The following MAST3 variants were observed in gnomAD, a reference collection of about 807,000 sequenced individuals.
The protein encoded by MAST3 is microtubule associated serine/threonine kinase 3.
MAST3 carries 43 observed loss-of-function variants against 127.0 expected under a neutral mutation model. That is an observed-to-expected ratio of 0.34 (90% confidence interval 0.27 to 0.44). The LOEUF (loss-of-function observed/expected upper bound fraction) is 0.44, where lower values mean the gene tolerates loss of function less well. Among genes scored for constraint, MAST3 ranks in the 20% least tolerant of loss-of-function variants. The probability of loss-of-function intolerance (pLI) is 1.00; values close to 1 mark genes in which losing one functional copy is unlikely to be tolerated. For missense variants in MAST3, 1,390 were observed against 1,919.1 expected, an observed-to-expected ratio of 0.72 and a Z score of 5.15; for synonymous variants, 785 against 809.2, an observed-to-expected ratio of 0.97 and a Z score of 0.51.
At chr19:18,142,603 A>G (rs940802008) in intron 21 of MAST3, among the ~76,000 whole-genome samples, 12 of 145,424 alleles carry the variant, frequency 8.3e-5, no homozygotes, top group African/African-American at 2.8e-4. Context: ...GCCCTCCTCA[A>G]CCTCCCAAAG....
intron 5 of MAST3, 59 bp downstream of exon 5, chr19:18,121,981 G>A: frequency 6.3e-7 from 1 of 1,594,200 alleles, no homozygotes; most frequent in South Asian, 1.1e-5. Flanking sequence ...GTTGGGCAGG[G>A]GCACGTGCTC....
chr19:18,129,259 T>C, intron 13 of MAST3: 1 of 353,942 alleles, frequency 2.8e-6, no homozygotes, highest in Non-Finnish European at 5.2e-6. Flanking sequence ...GAGCTTTATT[T>C]AGGTGCTGCT....
chr19:18,139,454 A>G (rs2147629551), intron 20 of MAST3, among the ~76,000 whole-genome samples: 1 of 152,054 alleles, frequency 6.6e-6, no homozygotes, highest in East Asian at 1.9e-4. Flanking sequence ...CCTGCCGAGT[A>G]GCTGGGATTA....
At chr19:18,098,668 G>C (rs970686420) in intron 1 of MAST3, 14 of 455,092 alleles carry the variant, frequency 3.1e-5, no homozygotes, top group South Asian at 2.2e-4. Flanking sequence ...CAGGAATTAA[G>C]ATTTGGCCAT....
intron 19 of MAST3, 78 bp from the exon 20 acceptor site, chr19:18,138,936 GC>G (rs2147613325): frequency 1.1e-6 from 1 of 948,940 alleles, no homozygotes; most frequent in East Asian, 2.6e-5. Flanking sequence ...ATCCTGAGAT[GC>G]CCTCCCCGTA....
chr19:18,132,879 G>A (rs1280544829), intron 15 of MAST3, among the ~76,000 whole-genome samples: 3 of 152,198 alleles, frequency 2.0e-5, no homozygotes, highest in Non-Finnish European at 2.9e-5. Flanking sequence ...AAGGCGGGCG[G>A]ATCACCTGAG....
chr19:18,149,618 C>T lies in MAST3; in HGVS notation c.3936C>T (p.Phe1312=). The T allele has an allele frequency of 1.2e-6, 2 of 1,612,994 alleles. No individual in the cohort carries two copies. The highest frequency in any genetic ancestry group is 8.5e-7 in the Non-Finnish European group (1 of 1,179,784). Residue 1312 remains phenylalanine (F), a synonymous_variant, in exon 28 of 28, where the codon TTC becomes TTT. Transcript: ENST00000687212. This position sits in a 1 kb window ranked among gnomAD's most constrained non-coding sequence, Gnocchi z 5.9. The part of the protein sequence containing the change: ...KKQEAVQEVS[F]DEPQEEATGL... ...AGGAGGCCGTGCAGGAGGTTAGCTT[C>T]GATGAGCCGCAGGAGGAGGCCACTG...
rs2041339655 is a variant in MAST3 at position 18,131,892 on chromosome 19, A to G, written c.1433-17A>G. 6.4e-7 allele frequency: 1 copy of G among 1,559,730 alleles called. No individual in the cohort carries two copies. Among genetic ancestry groups the G allele is most frequent in the East Asian group, 2.4e-5 (1 of 41,816 alleles). On this transcript the variant is annotated splice_polypyrimidine_tract_variant and intron_variant, in intron 14 of 27. Coordinates refer to ENST00000687212, the MANE Select transcript of MAST3 (RefSeq NM_001393504.1). ...GGGGTGCCCCGGGCCTCATGACTAC[A>G]TCCGCCCTTCTCCCAGGCGGCGACT...
At position 18,124,374 on chromosome 19, in the gene MAST3, T is replaced by C. The variant is rs1334410714; in HGVS notation, c.945+8T>C. 2 of 1,590,912 alleles carry C rather than the reference T, an allele frequency of 1.3e-6. No homozygotes were observed. The highest frequency in any genetic ancestry group is 1.3e-5 in the African/African-American group (1 of 74,586). On this transcript the variant is annotated splice_region_variant and intron_variant, in intron 10 of 27. Coordinates refer to ENST00000687212, the MANE Select transcript of MAST3 (RefSeq NM_001393504.1). ...CGGCTGCTGGAGTGTCTGGTAAGTT[T>C]CTCTTTCTACGGCCAGCTTGGGGTC...
intron 11 of MAST3, among the ~76,000 whole-genome samples, chr19:18,127,577 G>A (rs1396957773): frequency 1.3e-5 from 2 of 152,140 alleles, no homozygotes; most frequent in Non-Finnish European, 1.5e-5. Flanking sequence ...CCAGCCACTC[G>A]GGAGGCTGAG....
At chr19:18,143,202 A>G (rs566194584) in intron 21 of MAST3, among the ~76,000 whole-genome samples, 1 of 152,114 alleles carries the variant, frequency 6.6e-6, no homozygotes, top group Admixed American at 6.5e-5. Context: ...GGCCTCAAAC[A>G]ATCCTCCTGT....
chr19:18,115,419 G>A lies in MAST3; in HGVS notation c.161+4678G>A, dbSNP rs1245298327. ...CGAGGGGGCAGCGCCTTTACCGAGT[G>A]TGTGCAAAGGTGTGTCCCCGTGCAT... On this transcript the variant is annotated intron_variant, in intron 3 of 27. Coordinates refer to ENST00000687212, the MANE Select transcript of MAST3 (RefSeq NM_001393504.1). Among the ~76,000 whole-genome samples the A allele has an allele frequency of 7.9e-5, 12 of 152,170 alleles. 1 individual carries two copies. In the East Asian group the frequency reaches 2.3e-3, roughly 29 times the overall value.
intron 1 of MAST3, among the ~76,000 whole-genome samples, chr19:18,102,382 T>C (rs930678434): frequency 1.4e-4 from 22 of 152,006 alleles, no homozygotes; most frequent in Non-Finnish European, 5.9e-5. Context: ...TTTCTCCATG[T>C]TGGTCAGGCT....
chr19:18,103,861 C>G (rs888968668), intron 1 of MAST3, among the ~76,000 whole-genome samples: 3 of 152,098 alleles, frequency 2.0e-5, no homozygotes, highest in African/African-American at 7.2e-5. Flanking sequence ...GTGGGACCCC[C>G]CACCAGGGTT....
Position 18,139,115 on chromosome 19 carries a change from G to C in MAST3, c.2196G>C (p.Arg732=). 6.3e-7 allele frequency: 1 copy of C among 1,599,336 alleles called. No individual in the cohort carries two copies. The highest frequency in any genetic ancestry group is 8.5e-7 in the Non-Finnish European group (1 of 1,172,864). The change falls in exon 20 of 28, where the codon CGG becomes CGC. Residue 732 remains arginine (R), a synonymous_variant. Coordinates refer to ENST00000687212, the MANE Select transcript of MAST3 (RefSeq NM_001393504.1). ...CCCAGTTCTCCTCCTGCTCCCACCG[G>C]TTCAGCAAGGTGGGCCCGGGTCCCG... The part of the protein sequence containing the change: ...EIPQFSSCSH[R]FSKVYSSSEF...
At chr19:18,100,031 C>T (rs1022544122) in intron 1 of MAST3, among the ~76,000 whole-genome samples, 1 of 151,568 alleles carries the variant, frequency 6.6e-6, no homozygotes, top group African/African-American at 2.4e-5. Flanking sequence ...CAGGAAGGAG[C>T]ATGGAATGAA....
chr19:18,111,648 T>C (rs2038659031), intron 3 of MAST3, among the ~76,000 whole-genome samples: 2 of 150,932 alleles, frequency 1.3e-5, no homozygotes, highest in South Asian at 4.2e-4. Flanking sequence ...AATTCTCCTG[T>C]TGTAGCCTCC....
chr19:18,139,238 G>A, intron 20 of MAST3, 114 bp downstream of exon 20: 1 of 752,200 alleles, frequency 1.3e-6, no homozygotes, highest in East Asian at 2.9e-5. Flanking sequence ...ATGAGGTCTT[G>A]CTATGCTGCC....
In MAST3 at chr19:18,112,759, C is replaced by T. The variant is rs997395498; in HGVS notation, c.161+2018C>T. Among the ~76,000 whole-genome samples, 4 of 152,148 alleles carry T rather than the reference C, an allele frequency of 2.6e-5. No individual in the cohort carries two copies. The highest frequency in any genetic ancestry group is 7.2e-5 in the African/African-American group (3 of 41,430). ...GTGCTAGGATTATAGGCGTGAGCCA[C>T]TGCACCCCGCCTGAGATTTTTTTTA... On this transcript the variant is annotated intron_variant, in intron 3 of 27. Transcript: ENST00000687212. The surrounding 1 kb of genome is among the most constrained non-coding windows in gnomAD (Gnocchi z 4.1).
Sources: gnomAD v4.1 joint callset for allele counts (sites outside exome capture counted in the v4.1 genomes callset) on GRCh38, gnomAD v4.1.1 for gene constraint, Gnocchi (gnomAD v3.1) non-coding constraint, MANE v1.5 for transcripts, NCBI Gene and HGNC (gene_info 2026-07-23, HGNC 2026-07-21) for gene names.